The following TAFA2 variants were observed in gnomAD, a reference collection of about 807,000 sequenced individuals.
TAFA2 encodes the protein TAFA chemokine like family member 2, also known as chemokine-like protein TAFA-2.
In TAFA2, 7 loss-of-function variants were observed where a neutral mutation model predicts 18.8. The observed-to-expected ratio is 0.37, with a 90% CI of 0.21 to 0.70. TAFA2 has a LOEUF of 0.70. Ranked by LOEUF, TAFA2 falls within the 30% of genes least tolerant of loss-of-function variation. The probability of loss-of-function intolerance (pLI) is 0.53; values close to 1 mark genes in which losing one functional copy is unlikely to be tolerated. For synonymous variants in TAFA2, 60 were observed against 54.2 expected (o/e 1.11, Z -0.47); for missense variants, 122 against 158.1 (o/e 0.77, Z 1.23).
intron 2 of TAFA2, among the ~76,000 whole-genome samples, chr12:61,846,541 T>C (rs1406709890): frequency 6.6e-6 from 1 of 152,182 alleles, no homozygotes; most frequent in East Asian, 1.9e-4. Context: ...ACTTATACTC[T>C]GATAAAATAA....
intron 2 of TAFA2, among the ~76,000 whole-genome samples, chr12:61,791,328 G>A (rs967622960): frequency 3.3e-5 from 5 of 151,476 alleles, no homozygotes; most frequent in African/African-American, 1.2e-4. Flanking sequence ...AAAAAGCACA[G>A]GCAACAAAAG....
At chr12:61,986,899 G>A (rs755453229) in intron 1 of TAFA2, among the ~76,000 whole-genome samples, 1 of 152,134 alleles carries the variant, frequency 6.6e-6, no homozygotes, top group South Asian at 2.1e-4. Flanking sequence ...CAAGTAGACC[G>A]TCTATGTCCG....
chr12:62,228,465 GC>G (rs2062797587), intron 1 of TAFA2, among the ~76,000 whole-genome samples: 1 of 152,182 alleles, frequency 6.6e-6, no homozygotes, highest in Non-Finnish European at 1.5e-5. Context: ...TCTCCAAACT[GC>G]TTTCCACAGA....
chr12:62,078,301 T>C (rs1868268056), intron 1 of TAFA2, among the ~76,000 whole-genome samples: 1 of 151,884 alleles, frequency 6.6e-6, no homozygotes, highest in African/African-American at 2.4e-5. Flanking sequence ...GTTGCTAAAG[T>C]GGGACTCTGG....
intron 1 of TAFA2, among the ~76,000 whole-genome samples, chr12:62,161,224 G>A (rs1336831422): frequency 6.6e-6 from 1 of 152,030 alleles, no homozygotes; most frequent in African/African-American, 2.4e-5. Context: ...CAAAGAAAAA[G>A]AAATCAATAT....
chr12:61,891,939 A>G (rs1421873377), intron 1 of TAFA2, among the ~76,000 whole-genome samples: 1 of 151,888 alleles, frequency 6.6e-6, no homozygotes, highest in African/African-American at 2.4e-5. Context: ...GGCAATTGAA[A>G]TGATCTGATT....
intron 2 of TAFA2, among the ~76,000 whole-genome samples, chr12:61,838,135 A>G (rs1873014030): frequency 6.6e-6 from 1 of 151,990 alleles, no homozygotes; most frequent in South Asian, 2.1e-4. Context: ...TAGACTCTGC[A>G]CATTCCTATG....
intron 2 of TAFA2, among the ~76,000 whole-genome samples, chr12:61,802,846 C>T (rs564050480): frequency 6.6e-6 from 1 of 151,916 alleles, no homozygotes; most frequent in African/African-American, 2.4e-5. Flanking sequence ...GAATATCACT[C>T]TATATTCCAT....
At position 62,255,784 on chromosome 12, in the gene TAFA2, G is replaced by A. The variant is rs189977710; in HGVS notation, c.-130+2979C>T. The stretch of plus-strand genomic sequence containing the variant: ...CACGAGAATCTCTTGAACTTGAGAG[G>A]CGAAGGTTGCAGTGAGCGGAGATCA... On this transcript the variant is annotated intron_variant, in intron 1 of 5. Coordinates refer to the TAFA2 transcript ENST00000551619. 1.8e-3 allele frequency among the ~76,000 whole-genome samples: 276 copies of A among 152,214 alleles called. 1 individual carries two copies. The highest frequency in any genetic ancestry group is 6.5e-3 in the African/African-American group (268 of 41,516).
intron 1 of TAFA2, chr12:62,242,667 C>T (rs2062867943): frequency 6.6e-6 from 1 of 152,214 alleles, no homozygotes; most frequent in Admixed American, 6.5e-5. Flanking sequence ...AACAGGAAAA[C>T]AACAGATGTC....
intron 1 of TAFA2, among the ~76,000 whole-genome samples, chr12:62,096,028 A>C (rs1868935510): frequency 6.6e-6 from 1 of 152,142 alleles, no homozygotes; most frequent in Non-Finnish European, 1.5e-5. Context: ...CTAAATTGGC[A>C]TATCTTTACT....
intron 1 of TAFA2, among the ~76,000 whole-genome samples, chr12:61,908,152 G>T (rs1345840831): frequency 1.3e-5 from 2 of 152,082 alleles, no homozygotes; most frequent in African/African-American, 4.8e-5. Context: ...GAAATGTGAG[G>T]AAATTAGATT....
intron 1 of TAFA2, among the ~76,000 whole-genome samples, chr12:61,907,289 T>C (rs766592755): frequency 4.6e-5 from 7 of 151,928 alleles, no homozygotes; most frequent in Admixed American, 6.6e-5. Flanking sequence ...CCCAGTGCCC[T>C]ACTCTTCTAT....
chr12:61,763,335 T>C (rs192876496), intron 2 of TAFA2, among the ~76,000 whole-genome samples: 2 of 152,060 alleles, frequency 1.3e-5, no homozygotes, highest in African/African-American at 4.8e-5. Flanking sequence ...AATTTAACAG[T>C]ATGGTCTCTA....
intron 1 of TAFA2, among the ~76,000 whole-genome samples, chr12:61,941,369 A>G (rs898692968): frequency 6.6e-6 from 1 of 152,152 alleles, no homozygotes; most frequent in Non-Finnish European, 1.5e-5. Flanking sequence ...ACATAACTTT[A>G]TTCGAAAGTA....
At chr12:61,813,087 C>G (rs775506229) in intron 2 of TAFA2, among the ~76,000 whole-genome samples, 5 of 151,382 alleles carry the variant, frequency 3.3e-5, no homozygotes, top group Non-Finnish European at 7.4e-5. Flanking sequence ...AGCATTCCAT[C>G]AATTGGCTAG....
At chr12:61,952,872 G>A (rs78778097) in intron 1 of TAFA2, among the ~76,000 whole-genome samples, 3,063 of 152,070 alleles carry the variant, frequency 0.02, 118 homozygotes, top group African/African-American at 0.069. Context: ...AACCGAGTAC[G>A]TGTTTTTGCA....
At chr12:61,924,925 C>T (rs1010588971) in intron 1 of TAFA2, among the ~76,000 whole-genome samples, 8 of 151,678 alleles carry the variant, frequency 5.3e-5, no homozygotes, top group Non-Finnish European at 8.8e-5. Flanking sequence ...AAAAAACCCA[C>T]GGGGTGCAAT....
At chr12:62,189,266 A>G (rs192624704) in intron 1 of TAFA2, among the ~76,000 whole-genome samples, 4 of 152,346 alleles carry the variant, frequency 2.6e-5, no homozygotes, top group Admixed American at 2.6e-4. Context: ...CCTGTGCCTA[A>G]GTATTCAGTT....
Sources: allele counts gnomAD v4.1 joint callset (sites outside exome capture counted in the v4.1 genomes callset), GRCh38; gene constraint gnomAD v4.1.1; transcripts MANE v1.5; gene names NCBI Gene and HGNC (gene_info 2026-07-23, HGNC 2026-07-21).